Variants in ATXN10 observed in about 807,000 individuals in gnomAD.
The protein encoded by ATXN10 is ataxin 10, also known as ataxin-10.
A neutral mutation model predicts 52.9 loss-of-function variants in ATXN10; 28 were observed. That is an observed-to-expected ratio of 0.53 (90% CI 0.39 to 0.73). The LOEUF (loss-of-function observed/expected upper bound fraction) is 0.73. Among genes scored for constraint, ATXN10 ranks in the 30% least tolerant of loss-of-function variants. The pLI, the probability that ATXN10 is intolerant of heterozygous loss-of-function variation, is 0.00. For missense variants in ATXN10, 565 were observed against 577.0 expected, an observed-to-expected ratio of 0.98 and a Z score of 0.21; for synonymous variants, 226 against 221.5, an observed-to-expected ratio of 1.02 and a Z score of -0.18.
In ATXN10 at chr22:45,672,004, C is replaced by CCCTTCGTCCTCCTCG; in HGVS notation, c.-54_-40dup. The CCCTTCGTCCTCCTCG allele has an allele frequency of 6.6e-7, 1 of 1,516,746 alleles. No homozygotes were observed. Among genetic ancestry groups the CCCTTCGTCCTCCTCG allele is most frequent in the Non-Finnish European group, 8.8e-7 (1 of 1,132,136 alleles). The allele number at this position is 1,516,746 out of a possible 1,614,324, so 94.0% of individuals were successfully genotyped here. A position where few individuals can be genotyped will look rare whatever the true frequency, so the allele number is the denominator to read the frequency against. On this transcript the variant is annotated 5_prime_UTR_variant, in exon 1 of 12. Coordinates refer to ENST00000252934, the MANE Select transcript of ATXN10 (RefSeq NM_013236.4). ...TACTCCTCCCTCCTCGTCATCCTCCCCCTTCGTCCTCCTCGCCTTCCTCCT... is the reference window on the plus strand; with the variant it reads ...TACTCCTCCCTCCTCGTCATCCTCCCCCTTCGTCCTCCTCGCCTTCGTCCTCCTCGCCTTCCTCCT...
rs9614791 is a variant in ATXN10 at position 45,844,054 on chromosome 22, C to T, written c.*383C>T. On this transcript the variant is annotated 3_prime_UTR_variant, in exon 12 of 12. Transcript: ENST00000252934. ...GCAAGTCAGCATCATTCTTTATATT[C>T]CTCTTCTCATTGGGTTTTCTGAACT... The T allele has an allele frequency of 0.049, 10,602 of 217,358 alleles. 292 individuals carry two copies. The highest frequency in any genetic ancestry group is 0.061 in the Non-Finnish European group (6,673 of 109,554). 13.5% of individuals were successfully genotyped at this position (217,358 alleles called of 1,614,324 possible).
chr22:45,736,160 A>G (rs1601614055), intron 7 of ATXN10, among the ~76,000 whole-genome samples: 1 of 152,118 alleles, frequency 6.6e-6, no homozygotes, highest in Non-Finnish European at 1.5e-5. Flanking sequence ...GGAAAATTTC[A>G]AACATAGACT....
chr22:45,795,411 TTCTATTC>T lies in ATXN10; in HGVS notation c.1174-11546_1174-11540del, dbSNP rs1927691548. 4.0e-5 allele frequency among the ~76,000 whole-genome samples: 6 copies of T among 150,236 alleles called. No individual in the cohort carries two copies. The highest frequency in any genetic ancestry group is 1.2e-4 in the African/African-American group (5 of 40,406). ...TTCTATTCTATTCTATTCTATTCTA[TTCTATTC>T]TATTCTTTTTGAGATGAAGTCTCTC... is the stretch of plus-strand genomic sequence containing the variant. On this transcript the variant is annotated intron_variant, in intron 9 of 11. Transcript: ENST00000252934. The surrounding 1 kb of genome is among the most constrained non-coding windows in gnomAD (Gnocchi z 4.6).
At chr22:45,753,377 C>CTTTTTTTTTTTTT (rs71190680) in intron 9 of ATXN10, among the ~76,000 whole-genome samples, 1 of 57,870 alleles carries the variant, frequency 1.7e-5, no homozygotes, top group Non-Finnish European at 3.2e-5. Context: ...CTCTTACCAG[C>CTTTTTTTTTTTTT]TTTTTTTTTT....
At position 45,774,345 on chromosome 22, in the gene ATXN10, G is replaced by A. The variant is rs566585032; in HGVS notation, c.1174-32614G>A. Among the ~76,000 whole-genome samples the A allele has an allele frequency of 8.5e-5, 13 of 152,340 alleles. No homozygotes were observed. Among genetic ancestry groups the A allele is most frequent in the African/African-American group, 3.1e-4 (13 of 41,574 alleles). On this transcript the variant is annotated intron_variant, in intron 9 of 11. Transcript: ENST00000252934. The surrounding 1 kb of genome is among the most constrained non-coding windows in gnomAD (Gnocchi z 6.2). ...GCCTGTCCCTACCAGTCCCTGCATC[G>A]CTATTTTGGAGTGAGACAGATAATG...
rs1315014154 is a variant in ATXN10, at chr22:45,789,603, A to G, written c.1174-17356A>G. Among the ~76,000 whole-genome samples, 2 of 152,212 alleles carry G rather than the reference A, an allele frequency of 1.3e-5. No homozygotes were observed. Among genetic ancestry groups the G allele is most frequent in the Non-Finnish European group, 2.9e-5 (2 of 68,042 alleles). On this transcript the variant is annotated intron_variant, in intron 9 of 11. Coordinates refer to ENST00000252934, the MANE Select transcript of ATXN10 (RefSeq NM_013236.4). This position sits in a 1 kb window ranked among gnomAD's most constrained non-coding sequence, Gnocchi z 4.0. Reference sequence around the variant, plus strand: ...GGGCCTGGAAAAGTTAGGGGTTAGTATGTTAATACAGCTCTCTCCACGACA... The same window carrying G: ...GGGCCTGGAAAAGTTAGGGGTTAGTGTGTTAATACAGCTCTCTCCACGACA...
At chr22:45,834,251 G>A (rs997920432) in intron 10 of ATXN10, among the ~76,000 whole-genome samples, 1 of 152,052 alleles carries the variant, frequency 6.6e-6, no homozygotes, top group African/African-American at 2.4e-5. Flanking sequence ...AATTCAGTGG[G>A]GCCAGCTTAT....
In ATXN10 at chr22:45,762,844, G is replaced by T. The variant is rs1159635070; in HGVS notation, c.1173+22306G>T. Among the ~76,000 whole-genome samples, 5 of 152,102 alleles carry T rather than the reference G, an allele frequency of 3.3e-5. No individual in the cohort carries two copies. The highest frequency in any genetic ancestry group is 3.9e-4 in the East Asian group (2 of 5,168). ...CCAAATTCCAAGTGAGAGTAATTGCGTGGCTTCCCTTGGGTCTGTCTCCAT... is the reference window on the plus strand; with the variant it reads ...CCAAATTCCAAGTGAGAGTAATTGCTTGGCTTCCCTTGGGTCTGTCTCCAT... On this transcript the variant is annotated intron_variant, in intron 9 of 11. Coordinates refer to ENST00000252934, the MANE Select transcript of ATXN10 (RefSeq NM_013236.4). The surrounding 1 kb of genome is among the most constrained non-coding windows in gnomAD (Gnocchi z 4.3).
rs1310107481 is a variant in ATXN10, at chr22:45,733,342, A to T, written c.894+3752A>T. On this transcript the variant is annotated intron_variant, in intron 7 of 11. Transcript: ENST00000252934. This position sits in a 1 kb window ranked among gnomAD's most constrained non-coding sequence, Gnocchi z 4.4. ...ATACATATTCTACAATAAATAGTGT[A>T]TTTTTTCCACATATTAAGGGCTTAA... is the stretch of plus-strand genomic sequence containing the variant. Among the ~76,000 whole-genome samples, 1 of 152,192 alleles carries T rather than the reference A, an allele frequency of 6.6e-6. No individual in the cohort carries two copies. Among genetic ancestry groups the T allele is most frequent in the East Asian group, 1.9e-4 (1 of 5,204 alleles).
chr22:45,744,723 G>C lies in ATXN10; in HGVS notation c.1173+4185G>C, dbSNP rs1436184100. The C allele has an allele frequency of 6.6e-6, 1 of 152,228 alleles. No homozygotes were observed. The highest frequency in any genetic ancestry group is 1.5e-5 in the Non-Finnish European group (1 of 68,068). The allele number at this position is 152,228 out of a possible 1,614,324, so 9.4% of individuals were successfully genotyped here. A position where few individuals can be genotyped will look rare whatever the true frequency, so the allele number is the denominator to read the frequency against. ...TGTGCCAGGAGCATTTCTCTCTAAGGACAGGCACTGGACTGCCAGGAGCAT... is the reference window on the plus strand; with the variant it reads ...TGTGCCAGGAGCATTTCTCTCTAAGCACAGGCACTGGACTGCCAGGAGCAT... On this transcript the variant is annotated intron_variant, in intron 9 of 11. Transcript: ENST00000252934. The surrounding 1 kb of genome is among the most constrained non-coding windows in gnomAD (Gnocchi z 4.9).
rs536257312 is a variant in ATXN10, at chr22:45,787,957, G to A, written c.1174-19002G>A. Reference sequence around the variant, plus strand: ...TACATTTGCCTACAATATTTAGTGTGGGATTACTCAAATCTTTTGGTTGAG... The same window carrying A: ...TACATTTGCCTACAATATTTAGTGTAGGATTACTCAAATCTTTTGGTTGAG... On this transcript the variant is annotated intron_variant, in intron 9 of 11. Transcript: ENST00000252934. The surrounding 1 kb of genome is among the most constrained non-coding windows in gnomAD (Gnocchi z 4.2). 2.2e-4 allele frequency among the ~76,000 whole-genome samples: 33 copies of A among 152,258 alleles called. No homozygotes were observed. Among genetic ancestry groups the A allele is most frequent in the African/African-American group, 7.0e-4 (29 of 41,544 alleles).
Position 45,816,910 on chromosome 22 carries a change from G to A in ATXN10, c.1237+9888G>A, listed in dbSNP as rs78781499. ...TACTCTTCTTGGTGGAGAATCTAGC[G>A]TGGTATCAGGCCTGCCAAACAGCAG... On this transcript the variant is annotated intron_variant, in intron 10 of 11. Coordinates refer to ENST00000252934, the MANE Select transcript of ATXN10 (RefSeq NM_013236.4). This position sits in a 1 kb window ranked among gnomAD's most constrained non-coding sequence, Gnocchi z 5.8. 7.0e-4 allele frequency among the ~76,000 whole-genome samples: 106 copies of A among 152,238 alleles called. No individual in the cohort carries two copies. The highest frequency in any genetic ancestry group is 3.4e-3 in the Middle Eastern group (1 of 294).
rs1261998849 is a variant in ATXN10, at chr22:45,775,941, G to A, written c.1174-31018G>A. Among the ~76,000 whole-genome samples the A allele has an allele frequency of 2.6e-5, 4 of 152,114 alleles. No homozygotes were observed. Among genetic ancestry groups the A allele is most frequent in the Non-Finnish European group, 4.4e-5 (3 of 68,024 alleles). On this transcript the variant is annotated intron_variant, in intron 9 of 11. Transcript: ENST00000252934. This position sits in a 1 kb window ranked among gnomAD's most constrained non-coding sequence, Gnocchi z 4.7. ...ATTAAGTGGAGCCACCATGGGCACCGACATCTGTGGCCACTCCACAGCCCA... is the reference window on the plus strand; with the variant it reads ...ATTAAGTGGAGCCACCATGGGCACCAACATCTGTGGCCACTCCACAGCCCA...
rs1423476120 is a variant in ATXN10, at chr22:45,789,836, G to A, written c.1174-17123G>A. Among the ~76,000 whole-genome samples the A allele has an allele frequency of 3.3e-5, 5 of 152,112 alleles. No homozygotes were observed. Among genetic ancestry groups the A allele is most frequent in the African/African-American group, 9.7e-5 (4 of 41,410 alleles). ...ACACTCCTTTTTTTCCTCTTGGACC[G>A]CTGGTGAGGAGTGGATATTTTACCC... On this transcript the variant is annotated intron_variant, in intron 9 of 11. Transcript: ENST00000252934. The surrounding 1 kb of genome is among the most constrained non-coding windows in gnomAD (Gnocchi z 4.0).
In ATXN10 at chr22:45,757,473, G is replaced by T. The variant is rs750030082; in HGVS notation, c.1173+16935G>T. On this transcript the variant is annotated intron_variant, in intron 9 of 11. Transcript: ENST00000252934. The surrounding 1 kb of genome is among the most constrained non-coding windows in gnomAD (Gnocchi z 4.6). ...AGGATTTCGCTGCTCCCCGTTCAAG[G>T]CCTCTGGAGAATGTTCCAAAGGGAG... Among the ~76,000 whole-genome samples the T allele has an allele frequency of 6.6e-6, 1 of 152,100 alleles. No individual in the cohort carries two copies. Among genetic ancestry groups the T allele is most frequent in the Non-Finnish European group, 1.5e-5 (1 of 68,018 alleles).
chr22:45,758,166 G>A (rs1049211619), intron 9 of ATXN10, among the ~76,000 whole-genome samples: 2 of 152,206 alleles, frequency 1.3e-5, no homozygotes, highest in Non-Finnish European at 2.9e-5. Context: ...CCCGCCTGAC[G>A]TTTGGCTCAG....
intron 3 of ATXN10, among the ~76,000 whole-genome samples, chr22:45,699,940 A>G (rs1244477984): frequency 6.8e-6 from 1 of 146,880 alleles, no homozygotes; most frequent in Non-Finnish European, 1.5e-5. Context: ...TCTGCCTCCC[A>G]GGTTCAAGCA....
intron 9 of ATXN10, among the ~76,000 whole-genome samples, chr22:45,788,864 G>A (rs937221463): frequency 1.6e-4 from 25 of 151,854 alleles, no homozygotes; most frequent in African/African-American, 5.8e-4. Flanking sequence ...GTTCAGACTG[G>A]TCTCGAATTT....
chr22:45,695,289 A>AACTCCAGCCTGGGCGACAGAGCGAG (rs1382326408), intron 3 of ATXN10, among the ~76,000 whole-genome samples: 2 of 149,540 alleles, frequency 1.3e-5, no homozygotes, highest in East Asian at 4.1e-4. Flanking sequence ...GCCGCCACTG[A>AACTCCAGCCTGGGCGACAGAGCGAG]ACTCCAGCCT....
Sources: gnomAD v4.1 joint callset for allele counts (sites outside exome capture counted in the v4.1 genomes callset) on GRCh38, gnomAD v4.1.1 for gene constraint, Gnocchi (gnomAD v3.1) non-coding constraint, MANE v1.5 for transcripts, NCBI Gene and HGNC (gene_info 2026-07-23, HGNC 2026-07-21) for gene names.